SPATA6L: variants seen among roughly 807,000 people sequenced by gnomAD.
The protein encoded by SPATA6L is spermatogenesis associated 6 like.
SPATA6L carries 68 observed loss-of-function variants against 49.2 expected under a neutral mutation model. That is an observed-to-expected ratio of 1.38 (90% CI 1.14 to 1.69). The LOEUF is 1.69. Ranked by LOEUF, SPATA6L falls within the 40% of genes most tolerant of loss-of-function variation. The probability of loss-of-function intolerance (pLI) is 0.00; values close to 1 mark genes in which losing one functional copy is unlikely to be tolerated. For missense variants in SPATA6L, 668 were observed against 464.3 expected, an observed-to-expected ratio of 1.44 and a Z score of -4.03; for synonymous variants, 198 against 165.7, an observed-to-expected ratio of 1.19 and a Z score of -1.50.
At chr9:4,622,967 T>C (rs1333336790) in intron 6 of SPATA6L, among the ~76,000 whole-genome samples, 1 of 141,100 alleles carries the variant, frequency 7.1e-6, no homozygotes. Context: ...TCCGAGTATC[T>C]ACATTTTTGA....
intron 9 of SPATA6L, among the ~76,000 whole-genome samples, chr9:4,611,516 G>A (rs1227797429): frequency 6.7e-6 from 1 of 148,894 alleles, no homozygotes; most frequent in Non-Finnish European, 1.5e-5. Flanking sequence ...GATGAAATTG[G>A]AAATCACCAT....
At chr9:4,619,157 T>C (rs1201824994) in intron 7 of SPATA6L, among the ~76,000 whole-genome samples, 3 of 142,408 alleles carry the variant, frequency 2.1e-5, no homozygotes, top group Admixed American at 7.0e-5. Flanking sequence ...GGTTTTCTCT[T>C]TTTTTTTTTT....
At position 4,664,228 on chromosome 9, in the gene SPATA6L, C is replaced by T. The variant is rs1840506591; in HGVS notation, c.39+1984G>A. 2.4e-5 allele frequency: 4 copies of T among 167,072 alleles called. No individual in the cohort carries two copies. The South Asian group carries it at 8.3e-4, about 35-fold the overall frequency. The allele number at this position is 167,072 out of a possible 1,614,324, so 10.3% of individuals were successfully genotyped here. On this transcript the variant is annotated intron_variant, in intron 1 of 11. Transcript: ENST00000682582. ...CAGTATGACAGGAGATGGGGCCCTG[C>T]TGCCAGTCATCTCCACTGAATAAAG...
At chr9:4,607,382 G>T (rs1368193304) in intron 9 of SPATA6L, among the ~76,000 whole-genome samples, 1 of 152,008 alleles carries the variant, frequency 6.6e-6, no homozygotes, top group Non-Finnish European at 1.5e-5. Context: ...AAATGTTAAG[G>T]GCAGCCAGAG....
chr9:4,629,796 T>TATATATATATATATAC (rs1389296370), intron 4 of SPATA6L, among the ~76,000 whole-genome samples: 1 of 146,456 alleles, frequency 6.8e-6, no homozygotes, highest in Non-Finnish European at 1.5e-5. Context: ...TATATATATA[T>TATATATATATATATAC]ATGCCCTATC....
intron 1 of SPATA6L, chr9:4,663,282 G>C (rs377636633): frequency 6.2e-7 from 1 of 1,603,006 alleles, no homozygotes; most frequent in Admixed American, 1.7e-5. Flanking sequence ...CATTGATTAT[G>C]GCACCAGGAA....
chr9:4,615,099 C>G (rs1461543175), intron 9 of SPATA6L, among the ~76,000 whole-genome samples: 3 of 152,158 alleles, frequency 2.0e-5, no homozygotes, highest in Non-Finnish European at 4.4e-5. Context: ...TCACTCACCT[C>G]TATGAACCCC....
At chr9:4,634,403 G>A (rs1832335197) in intron 4 of SPATA6L, among the ~76,000 whole-genome samples, 1 of 152,206 alleles carries the variant, frequency 6.6e-6, no homozygotes, top group African/African-American at 2.4e-5. Flanking sequence ...TGGGGTTACA[G>A]TCATCAGGAA....
At chr9:4,663,164 T>C (rs1190915836) in intron 1 of SPATA6L, 1 of 1,614,146 alleles carries the variant, frequency 6.2e-7, no homozygotes, top group East Asian at 2.2e-5. Context: ...ACGTAGCTTT[T>C]GGCTTTTTTC....
chr9:4,612,561 G>A (rs940939827), intron 9 of SPATA6L, among the ~76,000 whole-genome samples: 4 of 152,152 alleles, frequency 2.6e-5, no homozygotes, highest in African/African-American at 9.7e-5. Flanking sequence ...GAGGTCAGCT[G>A]CTCTGTTATA....
At chr9:4,623,345 GTGAC>G (rs1317506304) in intron 6 of SPATA6L, among the ~76,000 whole-genome samples, 1 of 151,932 alleles carries the variant, frequency 6.6e-6, no homozygotes, top group Non-Finnish European at 1.5e-5. Flanking sequence ...TTTATCTTTG[GTGAC>G]TGACCATATT....
intron 2 of SPATA6L, 52 bp from the exon 3 acceptor site, chr9:4,656,141 A>C: frequency 7.3e-6 from 11 of 1,501,474 alleles, no homozygotes; most frequent in Non-Finnish European, 8.3e-6. Flanking sequence ...TAATAAGCGC[A>C]TATAGAAACT....
intron 13 of SPATA6L, among the ~76,000 whole-genome samples, chr9:4,591,041 G>A (rs1435132936): frequency 3.3e-5 from 5 of 152,126 alleles, no homozygotes; most frequent in African/African-American, 1.2e-4. Flanking sequence ...GGTGTGAGGA[G>A]TCTGGAGATC....
At chr9:4,614,298 C>T (rs569026568) in intron 9 of SPATA6L, among the ~76,000 whole-genome samples, 2 of 152,292 alleles carry the variant, frequency 1.3e-5, no homozygotes, top group East Asian at 3.9e-4. Flanking sequence ...CCATTAAAAC[C>T]TTGGGTTGAC....
rs1405112703 is a variant in SPATA6L, at chr9:4,666,467, G to A, written c.-217C>T. The A allele has an allele frequency of 1.4e-5, 8 of 577,332 alleles. No individual in the cohort carries two copies. Among genetic ancestry groups the A allele is most frequent in the Non-Finnish European group, 2.2e-5 (7 of 322,438 alleles). 35.8% of individuals were successfully genotyped at this position (577,332 alleles called of 1,614,324 possible). On this transcript the variant is annotated 5_prime_UTR_variant, in exon 1 of 12. Coordinates refer to ENST00000682582, the MANE Select transcript of SPATA6L (RefSeq NM_001353486.2). ...GCTGGAGTGCAGGCTTCCAGAAGGC[G>A]GAAGCGTGGCGTTGCCAGGGACACT...
chr9:4,615,887 G>A (rs571947604), intron 9 of SPATA6L, among the ~76,000 whole-genome samples: 10 of 152,260 alleles, frequency 6.6e-5, no homozygotes, highest in Admixed American at 1.3e-4. Context: ...CAAAAACCAC[G>A]GGTTTTCCCC....
chr9:4,606,987 C>T (rs1250446992), intron 9 of SPATA6L, among the ~76,000 whole-genome samples: 1 of 147,516 alleles, frequency 6.8e-6, no homozygotes, highest in Non-Finnish European at 1.5e-5. Flanking sequence ...TCAAGAACTA[C>T]GTGAAGAATG....
intron 11 of SPATA6L, 48 bp downstream of exon 11, chr9:4,604,131 C>A: frequency 7.7e-7 from 1 of 1,298,280 alleles, no homozygotes; most frequent in Admixed American, 2.1e-5. Flanking sequence ...TTTTAGCAAA[C>A]CAAGATAAGG....
intron 3 of SPATA6L, among the ~76,000 whole-genome samples, chr9:4,649,288 T>A (rs1006380196): frequency 5.3e-5 from 8 of 152,232 alleles, no homozygotes; most frequent in Admixed American, 3.3e-4. Flanking sequence ...CTTTTAGTTC[T>A]TTAAGGAATC....
Sources: gnomAD v4.1 joint callset for allele counts (sites outside exome capture counted in the v4.1 genomes callset) on GRCh38, gnomAD v4.1.1 for gene constraint, MANE v1.5 for transcripts, NCBI Gene and HGNC (gene_info 2026-07-23, HGNC 2026-07-21) for gene names.